The following TCEA3 variants were observed in gnomAD, a reference collection of about 807,000 sequenced individuals.
TCEA3 encodes transcription elongation factor A3, also known as transcription elongation factor A protein 3.
TCEA3 carries 36 observed loss-of-function variants against 44.0 expected under a neutral mutation model. That is an observed-to-expected ratio of 0.82 (90% CI 0.63 to 1.08). TCEA3 has a LOEUF of 1.08. TCEA3 is among the 50% of genes least tolerant of loss of function. The pLI, the probability that TCEA3 is intolerant of heterozygous loss-of-function variation, is 0.00. For missense variants in TCEA3, 392 were observed against 441.2 expected, an observed-to-expected ratio of 0.89 and a Z score of 1.00; for synonymous variants, 162 against 159.7, an observed-to-expected ratio of 1.01 and a Z score of -0.11.
At position 23,387,392 on chromosome 1, in the gene TCEA3, A is replaced by G. The variant is rs1638878555; in HGVS notation, c.847T>C (p.Leu283=). 1.2e-6 allele frequency: 2 copies of G among 1,608,444 alleles called. No individual in the cohort carries two copies. Among genetic ancestry groups the G allele is most frequent in the Non-Finnish European group, 1.7e-6 (2 of 1,177,638 alleles). The change falls in exon 9 of 11, where the codon TTG becomes CTG. Residue 283 remains leucine (L), a synonymous_variant. Coordinates refer to ENST00000450454, the MANE Select transcript of TCEA3 (RefSeq NM_003196.3). ...GCCTCCTGGGTCATGGCATTCCTCA[A>G]CTCCCTCAGTTCATCACTGGCCATT... ...EEMASDELRE[L]RNAMTQEAIR...
chr1:23,400,535 C>T (rs1366366191), intron 5 of TCEA3, among the ~76,000 whole-genome samples: 1 of 152,128 alleles, frequency 6.6e-6, no homozygotes, highest in Admixed American at 6.6e-5. Flanking sequence ...GCACAACTCC[C>T]TCCCTCCCAA....
chr1:23,397,505 C>T (rs372404082), intron 7 of TCEA3, 40 bp downstream of exon 7: 68 of 1,591,736 alleles, frequency 4.3e-5, no homozygotes, highest in African/African-American at 1.3e-4. Flanking sequence ...TGCTGCTAGA[C>T]GGTGCAGACA....
chr1:23,397,333 C>T (rs1037552918), intron 7 of TCEA3, among the ~76,000 whole-genome samples: 1 of 152,212 alleles, frequency 6.6e-6, no homozygotes, highest in Non-Finnish European at 1.5e-5. Context: ...GTTATCAACA[C>T]TGAATGAGGT....
intron 8 of TCEA3, among the ~76,000 whole-genome samples, chr1:23,390,497 CA>C (rs1406768397): frequency 1.3e-5 from 2 of 151,848 alleles, no homozygotes; most frequent in East Asian, 3.9e-4. Flanking sequence ...AAACAAAAAA[CA>C]AAAAACAGCA....
chr1:23,388,588 T>TAAG (rs1638924354), intron 8 of TCEA3, among the ~76,000 whole-genome samples: 1 of 152,202 alleles, frequency 6.6e-6, no homozygotes, highest in African/African-American at 2.4e-5. Context: ...GTGCTCACCT[T>TAAG]TCATTATAAC....
chr1:23,417,955 C>T lies in TCEA3; in HGVS notation c.187G>A (p.Glu63Lys), dbSNP rs758251939. 5.0e-6 allele frequency: 8 copies of T among 1,614,082 alleles called. No homozygotes were observed. In the South Asian group the frequency reaches 7.7e-5, roughly 16 times the overall value. Residue 63 changes from glutamate to lysine, a missense_variant, in exon 3 of 11, where the codon GAG becomes AAG. Coordinates refer to ENST00000450454, the MANE Select transcript of TCEA3 (RefSeq NM_003196.3). ...AGGACTTTGGCCAAGGACACCACCT[C>T]CTTGTCTGAGCAGTGCTTGCGGACC... Reference protein sequence around the residue: ...NGVRKHCSDKEVVSLAKVLIK... With the variant: ...NGVRKHCSDKKVVSLAKVLIK...
At chr1:23,413,714 G>A (rs1286458218) in intron 4 of TCEA3, among the ~76,000 whole-genome samples, 3 of 152,172 alleles carry the variant, frequency 2.0e-5, no homozygotes, top group Non-Finnish European at 2.9e-5. Flanking sequence ...GATTAAGGGC[G>A]TGAGCCACTG....
chr1:23,405,542 G>A (rs926682877), intron 5 of TCEA3, among the ~76,000 whole-genome samples: 1 of 151,712 alleles, frequency 6.6e-6, no homozygotes, highest in Admixed American at 6.6e-5. Flanking sequence ...GTTGCACTGA[G>A]CCGAGATCGT....
rs752271585 is a variant in TCEA3, at chr1:23,394,008, C to G, written c.690G>C (p.Thr230=). The stretch of plus-strand genomic sequence containing the variant: ...GCACGCGGTTCCGGTACTTCATGTC[C>G]GTGCTCTTGAGCTCTTGGTAGATAT... ...EDHIYQELKS[T]DMKYRNRVRS... The change falls in exon 8 of 11, where the codon ACG becomes ACC. Residue 230 remains threonine (T), a synonymous_variant. Coordinates refer to ENST00000450454, the MANE Select transcript of TCEA3 (RefSeq NM_003196.3). The G allele has an allele frequency of 1.2e-6, 2 of 1,614,010 alleles. No individual in the cohort carries two copies. Among genetic ancestry groups the G allele is most frequent in the East Asian group, 2.2e-5 (1 of 44,890 alleles).
chr1:23,393,450 C>T (rs1639121616), intron 8 of TCEA3, among the ~76,000 whole-genome samples: 1 of 152,088 alleles, frequency 6.6e-6, no homozygotes, highest in South Asian at 2.1e-4. Context: ...ACACCTCACA[C>T]ATCATACGTA....
chr1:23,408,580 G>T, intron 5 of TCEA3, 84 bp downstream of exon 5: 2 of 1,398,132 alleles, frequency 1.4e-6, no homozygotes, highest in Non-Finnish European at 2.0e-6. Context: ...CCTTTCCTCT[G>T]CCTTGGGCTT....
intron 7 of TCEA3, among the ~76,000 whole-genome samples, chr1:23,397,032 G>T (rs975035706): frequency 6.7e-6 from 1 of 149,582 alleles, no homozygotes; most frequent in Non-Finnish European, 1.5e-5. Context: ...AAAAAAGGGC[G>T]CTGTTAACAT....
intron 5 of TCEA3, among the ~76,000 whole-genome samples, chr1:23,402,127 G>A (rs1265355562): frequency 6.6e-6 from 1 of 152,146 alleles, no homozygotes; most frequent in Non-Finnish European, 1.5e-5. Context: ...GATCACTTTG[G>A]TCAGGAGTTT....
intron 2 of TCEA3, among the ~76,000 whole-genome samples, chr1:23,418,572 A>G (rs749381719): frequency 7.9e-5 from 12 of 152,122 alleles, no homozygotes; most frequent in Non-Finnish European, 1.5e-4. Context: ...TCGGCCTCCC[A>G]AAGTGATGGG....
In TCEA3 at chr1:23,419,117, T is replaced by C. The variant is rs1639982266; in HGVS notation, c.92A>G (p.Lys31Arg). The part of the protein sequence containing the change: ...KNTEGALDLL[K>R]KLHSCQMSIQ... The stretch of plus-strand genomic sequence containing the variant: ...GGACATCTGGCAGCTGTGCAGCTTC[T>C]TCAGAAGGTCCAGGGCCCCTTCCTG... The change falls in exon 2 of 11, where the codon AAG becomes AGG. Residue 31 changes from lysine to arginine, a missense_variant. Transcript: ENST00000450454. The C allele has an allele frequency of 2.0e-6, 3 of 1,486,512 alleles. No homozygotes were observed. The highest frequency in any genetic ancestry group is 2.8e-5 in the African/African-American group (2 of 70,590). 92.1% of individuals were successfully genotyped at this position (1,486,512 alleles called of 1,614,324 possible).
intron 4 of TCEA3, among the ~76,000 whole-genome samples, chr1:23,410,069 G>C (rs1198920855): frequency 6.6e-6 from 1 of 151,988 alleles, no homozygotes; most frequent in East Asian, 2.0e-4. Flanking sequence ...CAGCTAGGCT[G>C]GCTGGAAGTG....
intron 5 of TCEA3, among the ~76,000 whole-genome samples, chr1:23,408,145 A>G (rs759541282): frequency 3.3e-5 from 5 of 152,048 alleles, no homozygotes; most frequent in Non-Finnish European, 7.4e-5. Flanking sequence ...TATTTTTAGT[A>G]GAGGCGGGGT....
chr1:23,392,404 A>G (rs1210997921), intron 8 of TCEA3, among the ~76,000 whole-genome samples: 2 of 2,816 alleles, frequency 7.1e-4, no homozygotes, highest in African/African-American at 2.4e-3. Flanking sequence ...CACTCCACAC[A>G]TCATCATGCA....
chr1:23,399,144 G>GTGTGTATATATA (rs751608613), intron 5 of TCEA3, among the ~76,000 whole-genome samples: 1 of 61,146 alleles, frequency 1.6e-5, no homozygotes, highest in African/African-American at 5.7e-5. Context: ...ATGTATATAT[G>GTGTGTATATATA]TATATATATA....
Sources: allele counts gnomAD v4.1 joint callset (sites outside exome capture counted in the v4.1 genomes callset), GRCh38; gene constraint gnomAD v4.1.1; transcripts MANE v1.5; gene names NCBI Gene and HGNC (gene_info 2026-07-23, HGNC 2026-07-21).